The following MAGI1 variants were observed in gnomAD, a reference collection of about 807,000 sequenced individuals.
MAGI1 encodes the protein membrane-associated guanylate kinase, WW and PDZ domain-containing protein 1.
Under a neutral mutation model 139.9 loss-of-function variants are expected in MAGI1, and 58 were observed. That is an observed-to-expected ratio of 0.41 (90% CI 0.34 to 0.52). MAGI1 has a LOEUF of 0.52. MAGI1 is among the 20% of genes least tolerant of loss of function. The probability of loss-of-function intolerance (pLI) is 0.12; values close to 1 mark genes in which losing one functional copy is unlikely to be tolerated. For synonymous variants in MAGI1, 812 were observed against 737.9 expected, an observed-to-expected ratio of 1.10 and a Z score of -1.63; for missense variants, 1,874 against 1,901.6, an observed-to-expected ratio of 0.99 and a Z score of 0.27.
At chr3:65,699,091 G>T (rs1362203746) in intron 1 of MAGI1, among the ~76,000 whole-genome samples, 1 of 113,772 alleles carries the variant, frequency 8.8e-6, no homozygotes, top group Non-Finnish European at 1.8e-5. Flanking sequence ...CTTCTCAAAA[G>T]AAGACATTTA....
intron 1 of MAGI1, among the ~76,000 whole-genome samples, chr3:65,987,322 A>G (rs1350855648): frequency 6.6e-6 from 1 of 152,174 alleles, no homozygotes; most frequent in Non-Finnish European, 1.5e-5. Flanking sequence ...AGTATCCTAG[A>G]TGAAATGGAG....
At chr3:65,632,784 C>T (rs944032930) in intron 1 of MAGI1, among the ~76,000 whole-genome samples, 1 of 152,120 alleles carries the variant, frequency 6.6e-6, no homozygotes, top group African/African-American at 2.4e-5. Context: ...GTCCCTTGGG[C>T]CATAGTTTCT....
At chr3:65,406,785 A>G (rs906600300) in intron 12 of MAGI1, among the ~76,000 whole-genome samples, 12 of 148,936 alleles carry the variant, frequency 8.1e-5, no homozygotes, top group African/African-American at 2.7e-4. Flanking sequence ...ATACACACAC[A>G]GTTATAGATC....
chr3:65,584,849 T>C (rs749390475), intron 2 of MAGI1, among the ~76,000 whole-genome samples: 2 of 152,200 alleles, frequency 1.3e-5, no homozygotes, highest in Admixed American at 6.5e-5. Context: ...GACCAGTTCA[T>C]TTAAATCTTT....
intron 1 of MAGI1, among the ~76,000 whole-genome samples, chr3:65,684,109 G>A (rs1381040616): frequency 6.7e-6 from 1 of 148,552 alleles, no homozygotes; most frequent in African/African-American, 2.5e-5. Context: ...AGAAATCTGA[G>A]GCTACAGTGA....
intron 1 of MAGI1, among the ~76,000 whole-genome samples, chr3:65,712,076 T>C (rs1377330043): frequency 6.6e-6 from 1 of 152,178 alleles, no homozygotes; most frequent in East Asian, 1.9e-4. Flanking sequence ...TTGGCTCTTG[T>C]GATGGTTTAA....
chr3:65,400,467 G>A (rs918591104), intron 13 of MAGI1, among the ~76,000 whole-genome samples: 4 of 152,052 alleles, frequency 2.6e-5, no homozygotes, highest in South Asian at 2.1e-4. Flanking sequence ...TGGATGGCAC[G>A]AGGCTGTACA....
At chr3:65,418,979 G>A (rs1404877857) in intron 12 of MAGI1, among the ~76,000 whole-genome samples, 2 of 152,142 alleles carry the variant, frequency 1.3e-5, no homozygotes, top group African/African-American at 2.4e-5. Flanking sequence ...GTGATACAAC[G>A]CTTTCCTGTT....
intron 1 of MAGI1, among the ~76,000 whole-genome samples, chr3:65,965,350 TA>T (rs2107131570): frequency 6.6e-6 from 1 of 152,348 alleles, no homozygotes; most frequent in South Asian, 2.1e-4. Context: ...TGTAATTAAA[TA>T]TATTTTAAAT....
intron 2 of MAGI1, among the ~76,000 whole-genome samples, chr3:65,593,084 G>T (rs1198652983): frequency 1.3e-5 from 2 of 152,110 alleles, no homozygotes; most frequent in Non-Finnish European, 2.9e-5. Flanking sequence ...AAATTAAAAA[G>T]TCCCAAGCTA....
At chr3:66,002,278 T>C (rs1486348929) in intron 1 of MAGI1, among the ~76,000 whole-genome samples, 1 of 152,174 alleles carries the variant, frequency 6.6e-6, no homozygotes, top group Non-Finnish European at 1.5e-5. Context: ...GCATTAAATG[T>C]TTCTATAATA....
At chr3:65,526,751 T>C (rs997640026) in intron 2 of MAGI1, among the ~76,000 whole-genome samples, 6 of 152,192 alleles carry the variant, frequency 3.9e-5, no homozygotes, top group African/African-American at 1.4e-4. Context: ...CTTTCAGTGC[T>C]ATGATGGGAG....
chr3:65,583,559 T>G (rs951979421), intron 2 of MAGI1, among the ~76,000 whole-genome samples: 1 of 149,148 alleles, frequency 6.7e-6, no homozygotes, highest in Admixed American at 6.7e-5. Context: ...AACTACAAGG[T>G]TTTTTTTTTA....
chr3:65,426,304 C>A (rs1436829484), intron 12 of MAGI1, among the ~76,000 whole-genome samples: 1 of 152,126 alleles, frequency 6.6e-6, no homozygotes, highest in Non-Finnish European at 1.5e-5. Flanking sequence ...GCTCGATTTC[C>A]AGATGAGGGA....
chr3:65,445,925 C>A (rs1003323676), intron 7 of MAGI1, among the ~76,000 whole-genome samples: 1 of 152,148 alleles, frequency 6.6e-6, no homozygotes, highest in Non-Finnish European at 1.5e-5. Context: ...GAAATTAGGA[C>A]CCTCTTATTA....
chr3:65,586,713 G>A (rs141523126), intron 2 of MAGI1, among the ~76,000 whole-genome samples: 27 of 151,458 alleles, frequency 1.8e-4, no homozygotes, highest in African/African-American at 6.3e-4. Flanking sequence ...ACTACAAGAC[G>A]TATTCTTAAT....
chr3:65,980,899 C>T (rs185150016), intron 1 of MAGI1, among the ~76,000 whole-genome samples: 1 of 152,178 alleles, frequency 6.6e-6, no homozygotes, highest in East Asian at 1.9e-4. Flanking sequence ...TGGCTCATGC[C>T]TGTAATCCCA....
At chr3:65,814,316 GTGTTT>G (rs2041467579) in intron 1 of MAGI1, among the ~76,000 whole-genome samples, 1 of 152,066 alleles carries the variant, frequency 6.6e-6, no homozygotes, top group Admixed American at 6.6e-5. Flanking sequence ...GCATGTAATG[GTGTTT>G]ACCTCAATGA....
chr3:65,550,518 G>A (rs2107963328), intron 2 of MAGI1, among the ~76,000 whole-genome samples: 1 of 152,300 alleles, frequency 6.6e-6, no homozygotes, highest in South Asian at 2.1e-4. Flanking sequence ...GTTTGAACCT[G>A]TCACCTCCGG....
Sources: gnomAD v4.1 joint callset for allele counts (sites outside exome capture counted in the v4.1 genomes callset) on GRCh38, gnomAD v4.1.1 for gene constraint, MANE v1.5 for transcripts, NCBI Gene and HGNC (gene_info 2026-07-23, HGNC 2026-07-21) for gene names.